Variants in SCAI observed in about 807,000 individuals in gnomAD.
SCAI encodes protein SCAI.
A neutral mutation model predicts 92.2 loss-of-function variants in SCAI; 24 were observed. The observed-to-expected ratio is 0.26, with a 90% CI of 0.19 to 0.37. The LOEUF (loss-of-function observed/expected upper bound fraction) is 0.37, where lower values mean the gene tolerates loss of function less well. Among genes scored for constraint, SCAI ranks in the 10% least tolerant of loss-of-function variants. SCAI has a pLI of 1.00. For missense variants in SCAI, 450 were observed against 736.2 expected, an observed-to-expected ratio of 0.61 and a Z score of 4.50; for synonymous variants, 261 against 258.6, an observed-to-expected ratio of 1.01 and a Z score of -0.09.
Position 124,974,414 on chromosome 9 carries a change from C to T in SCAI, c.1399+1700G>A, listed in dbSNP as rs537743076. On this transcript the variant is annotated intron_variant, in intron 15 of 17. Transcript: ENST00000336505. ...AGTGAGCTATGATCACACAACTGTACTCCAGCCTGAGTGACAGAGTGAGAC... is the reference window on the plus strand; with the variant it reads ...AGTGAGCTATGATCACACAACTGTATTCCAGCCTGAGTGACAGAGTGAGAC... The T allele has an allele frequency of 9.7e-4, 178 of 184,126 alleles. 2 individuals carry two copies. Among genetic ancestry groups the T allele is most frequent in the Non-Finnish European group, 1.5e-3 (131 of 87,318 alleles). The allele number at this position is 184,126 out of a possible 1,614,324, so 11.4% of individuals were successfully genotyped here. A position where few individuals can be genotyped will look rare whatever the true frequency, so the allele number is the denominator to read the frequency against.
chr9:124,970,826 T>C (rs890243763), intron 17 of SCAI, among the ~76,000 whole-genome samples: 6 of 152,158 alleles, frequency 3.9e-5, no homozygotes, highest in Non-Finnish European at 7.3e-5. Flanking sequence ...TTTTTTTTAA[T>C]TTTTTGAGTT....
chr9:125,006,545 G>A (rs944366148), intron 9 of SCAI, among the ~76,000 whole-genome samples: 1 of 152,208 alleles, frequency 6.6e-6, no homozygotes, highest in African/African-American at 2.4e-5. Flanking sequence ...AGGCTGGAGT[G>A]CAGTGGCGCG....
chr9:125,118,208 C>T lies in SCAI; in HGVS notation c.98+24425G>A, dbSNP rs537608203. 2.0e-5 allele frequency among the ~76,000 whole-genome samples: 3 copies of T among 152,098 alleles called. No individual in the cohort carries two copies. The South Asian group carries it at 6.2e-4, about 32-fold the overall frequency. On this transcript the variant is annotated intron_variant, in intron 2 of 17. Coordinates refer to ENST00000336505, the MANE Select transcript of SCAI (RefSeq NM_001144877.3). Reference sequence around the variant, plus strand: ...TTTAAAAGGCTTGTTAAAAAATAAACATAGTGGAGCCAAGCATGGTGGCTC... The same window carrying T: ...TTTAAAAGGCTTGTTAAAAAATAAATATAGTGGAGCCAAGCATGGTGGCTC...
At chr9:125,062,736 C>CAAAA (rs1254708256) in intron 2 of SCAI, among the ~76,000 whole-genome samples, 23 of 150,358 alleles carry the variant, frequency 1.5e-4, no homozygotes, top group South Asian at 6.3e-4. Flanking sequence ...AACAAACAAA[C>CAAAA]AAAGGCCGGG....
At position 125,019,503 on chromosome 9, in the gene SCAI, A is replaced by C. The variant is rs558691002; in HGVS notation, c.610-298T>G. Among the ~76,000 whole-genome samples the C allele has an allele frequency of 2.0e-5, 3 of 152,176 alleles. No homozygotes were observed. In the South Asian group the frequency reaches 6.3e-4, roughly 32 times the overall value. ...AAAAGAGAAATTCAAAAATTTTAAC[A>C]ATAAAAAAAAATGAGGCTGGATGCA... On this transcript the variant is annotated intron_variant, in intron 7 of 17. Coordinates refer to ENST00000336505, the MANE Select transcript of SCAI (RefSeq NM_001144877.3).
At chr9:125,129,454 CTTTTTTTTTTT>C (rs1171739834) in intron 2 of SCAI, among the ~76,000 whole-genome samples, 15 of 67,576 alleles carry the variant, frequency 2.2e-4, no homozygotes, top group South Asian at 6.2e-4. Context: ...ATTAGAATTT[CTTTTTTTTTTT>C]TTTTTTTTTT....
intron 2 of SCAI, among the ~76,000 whole-genome samples, chr9:125,093,220 G>A (rs1834474683): frequency 6.6e-6 from 1 of 152,068 alleles, no homozygotes. Context: ...AATTAGCTGG[G>A]CATGGTGGTG....
At chr9:125,004,779 A>ATTTTTTTTTTT (rs869167558) in intron 9 of SCAI, among the ~76,000 whole-genome samples, 1 of 13,170 alleles carries the variant, frequency 7.6e-5, no homozygotes, top group Non-Finnish European at 1.4e-4. Flanking sequence ...ATATATATAT[A>ATTTTTTTTTTT]TTTTTTTTTT....
chr9:125,024,320 A>AGGCTGAGT (rs1315099561), intron 6 of SCAI, among the ~76,000 whole-genome samples: 3 of 145,844 alleles, frequency 2.1e-5, no homozygotes, highest in African/African-American at 5.1e-5. Flanking sequence ...TTTGTCACCC[A>AGGCTGAGT]GGCTGAGTGC....
chr9:125,003,434 G>A, intron 10 of SCAI, 35 bp downstream of exon 10: 1 of 1,410,084 alleles, frequency 7.1e-7, no homozygotes, highest in Non-Finnish European at 1.0e-6. Flanking sequence ...CAGCCAGAGG[G>A]TTACCAAACT....
At chr9:125,021,773 G>C (rs1372283093) in intron 6 of SCAI, among the ~76,000 whole-genome samples, 1 of 151,990 alleles carries the variant, frequency 6.6e-6, no homozygotes. Flanking sequence ...CAAACTTATT[G>C]ACTTTTTTTT....
intron 9 of SCAI, among the ~76,000 whole-genome samples, chr9:125,010,775 G>A (rs1832619645): frequency 6.6e-6 from 1 of 152,166 alleles, no homozygotes; most frequent in Admixed American, 6.5e-5. Context: ...TAACTGGGAG[G>A]CACCCCCCAA....
At chr9:125,109,212 A>G (rs1834882222) in intron 2 of SCAI, among the ~76,000 whole-genome samples, 1 of 152,170 alleles carries the variant, frequency 6.6e-6, no homozygotes, top group African/African-American at 2.4e-5. Flanking sequence ...CCAGGGACAC[A>G]AACACTGCGG....
intron 3 of SCAI, among the ~76,000 whole-genome samples, chr9:125,032,143 AAC>A (rs1407749578): frequency 4.7e-5 from 7 of 149,122 alleles, no homozygotes; most frequent in Non-Finnish European, 8.9e-5. Flanking sequence ...GAACAGAGAA[AAC>A]ACTCAAATGT....
intron 2 of SCAI, among the ~76,000 whole-genome samples, chr9:125,083,270 C>A (rs941709323): frequency 3.3e-5 from 5 of 152,086 alleles, no homozygotes; most frequent in Non-Finnish European, 5.9e-5. Flanking sequence ...GTAATCCCAG[C>A]ACTTTAGGAG....
chr9:125,084,158 C>CCTTT lies in SCAI; in HGVS notation c.99-28152_99-28151insAAAG, dbSNP rs1224570781. Among the ~76,000 whole-genome samples, 60 of 65,138 alleles carry CCTTT rather than the reference C, an allele frequency of 9.2e-4. 2 individuals are homozygous for CCTTT. The highest frequency in any genetic ancestry group is 3.7e-3 in the African/African-American group (56 of 15,266). 42.7% of individuals were successfully genotyped at this position (65,138 alleles called of 152,430 possible). On this transcript the variant is annotated intron_variant, in intron 2 of 17. Coordinates refer to ENST00000336505, the MANE Select transcript of SCAI (RefSeq NM_001144877.3). ...ATATGAACAGGACTCTTGGCTGCTG[C>CCTTT]TTTTTTTTTTTTTTTTTTTTTTTTT...
At chr9:125,011,643 C>A (rs1344770075) in intron 9 of SCAI, among the ~76,000 whole-genome samples, 1 of 152,184 alleles carries the variant, frequency 6.6e-6, no homozygotes, top group Non-Finnish European at 1.5e-5. Context: ...CCCAATCTAG[C>A]AAGGCAGGCC....
At position 124,950,890 on chromosome 9, in the gene SCAI, A is replaced by C. The variant is rs1317556673; in HGVS notation, c.*1917T>G. The C allele has an allele frequency of 1.3e-5, 2 of 151,812 alleles. No individual in the cohort carries two copies. The highest frequency in any genetic ancestry group is 1.5e-5 in the Non-Finnish European group (1 of 67,970). 9.4% of individuals were successfully genotyped at this position (151,812 alleles called of 1,614,324 possible). On this transcript the variant is annotated 3_prime_UTR_variant, in exon 18 of 18. Transcript: ENST00000336505. ...AAAGTGAGACCATGTCTCTACAAAA[A>C]ATTAAAAAATAAAGAAAATTAGCCA...
chr9:125,021,047 C>T (rs1331524217), intron 6 of SCAI, among the ~76,000 whole-genome samples: 1 of 152,036 alleles, frequency 6.6e-6, no homozygotes, highest in East Asian at 1.9e-4. Context: ...GAGATATTCC[C>T]TTCTTCAAAG....
Sources: allele counts gnomAD v4.1 joint callset (sites outside exome capture counted in the v4.1 genomes callset), GRCh38; gene constraint gnomAD v4.1.1; transcripts MANE v1.5; gene names NCBI Gene and HGNC (gene_info 2026-07-23, HGNC 2026-07-21).